ERBB4: variants seen among roughly 807,000 people sequenced by gnomAD.
ERBB4 encodes the protein receptor tyrosine-protein kinase erbB-4.
ERBB4 carries 42 observed loss-of-function variants against 158.0 expected under a neutral mutation model. That is an observed-to-expected ratio of 0.27 (90% CI 0.21 to 0.34). ERBB4 has a LOEUF of 0.34. Ranked by LOEUF, ERBB4 falls within the 10% of genes least tolerant of loss-of-function variation. The probability of loss-of-function intolerance (pLI) is 1.00; values close to 1 mark genes in which losing one functional copy is unlikely to be tolerated. For synonymous variants in ERBB4, 583 were observed against 558.7 expected, an observed-to-expected ratio of 1.04 and a Z score of -0.61; for missense variants, 1,333 against 1,624.1, an observed-to-expected ratio of 0.82 and a Z score of 3.08.
At chr2:212,228,132 C>A (rs1037743355) in intron 1 of ERBB4, among the ~76,000 whole-genome samples, 8 of 152,132 alleles carry the variant, frequency 5.3e-5, no homozygotes, top group African/African-American at 1.2e-4. Context: ...GATCTTTCTT[C>A]TGATTTCTAT....
At chr2:212,080,518 TG>T (rs2078407398) in intron 2 of ERBB4, among the ~76,000 whole-genome samples, 1 of 151,756 alleles carries the variant, frequency 6.6e-6, no homozygotes, top group Non-Finnish European at 1.5e-5. Context: ...GTGTTTCTAG[TG>T]AAGACCACAA....
At chr2:211,588,747 C>T (rs944470688) in intron 19 of ERBB4, among the ~76,000 whole-genome samples, 5 of 151,974 alleles carry the variant, frequency 3.3e-5, no homozygotes, top group African/African-American at 7.2e-5. Flanking sequence ...TTAATCACTC[C>T]GCACTTAACC....
At chr2:211,481,915 G>A (rs1422605307) in intron 20 of ERBB4, among the ~76,000 whole-genome samples, 1 of 152,110 alleles carries the variant, frequency 6.6e-6, no homozygotes, top group Admixed American at 6.6e-5. Flanking sequence ...TAGTACTCAA[G>A]ACATTGAATA....
chr2:211,809,717 C>T (rs961158099), intron 3 of ERBB4, among the ~76,000 whole-genome samples: 2 of 152,058 alleles, frequency 1.3e-5, no homozygotes, highest in Non-Finnish European at 2.9e-5. Context: ...TTAGTTATTT[C>T]TTGCCTTCTG....
chr2:212,214,544 A>G (rs1229760118), intron 1 of ERBB4, among the ~76,000 whole-genome samples: 1 of 151,804 alleles, frequency 6.6e-6, no homozygotes, highest in Admixed American at 6.6e-5. Flanking sequence ...TTAGGAAAAT[A>G]CATTTACAAA....
intron 20 of ERBB4, among the ~76,000 whole-genome samples, chr2:211,466,100 AG>A (rs2125514218): frequency 6.6e-6 from 1 of 152,276 alleles, no homozygotes; most frequent in South Asian, 2.1e-4. Context: ...AGCAGTCACC[AG>A]GGCACTTTGT....
At chr2:212,057,680 T>A (rs1026896277) in intron 2 of ERBB4, among the ~76,000 whole-genome samples, 2 of 152,134 alleles carry the variant, frequency 1.3e-5, no homozygotes, top group Non-Finnish European at 2.9e-5. Context: ...CTGAATGACT[T>A]CTGGGTACAT....
At chr2:211,876,376 AAGG>A (rs1471673401) in intron 3 of ERBB4, among the ~76,000 whole-genome samples, 5 of 152,296 alleles carry the variant, frequency 3.3e-5, no homozygotes, top group African/African-American at 9.6e-5. Context: ...AAGACAGAGG[AAGG>A]AGAAGAATTA....
intron 2 of ERBB4, among the ~76,000 whole-genome samples, chr2:211,974,552 C>T (rs928663316): frequency 3.9e-5 from 6 of 152,158 alleles, no homozygotes; most frequent in Admixed American, 1.3e-4. Context: ...GTCTTGGAGT[C>T]CACAGCATCT....
Position 211,737,488 on chromosome 2 carries a change from A to G in ERBB4, c.623-12294T>C, listed in dbSNP as rs1269272440. 2.0e-4 allele frequency among the ~76,000 whole-genome samples: 30 copies of G among 152,192 alleles called. 1 individual carries two copies. The highest frequency in any genetic ancestry group is 2.0e-3 in the Admixed American group (30 of 15,274). On this transcript the variant is annotated intron_variant, in intron 5 of 27. Coordinates refer to ENST00000342788, the MANE Select transcript of ERBB4 (RefSeq NM_005235.3). ...AGATAATACATGTGAAACTGTTAGT[A>G]CAAAACCGGCACAATGGATAACTAC...
At chr2:212,439,569 T>G (rs890374569) in intron 1 of ERBB4, among the ~76,000 whole-genome samples, 7 of 152,216 alleles carry the variant, frequency 4.6e-5, no homozygotes, top group Non-Finnish European at 7.3e-5. Context: ...TATTTTAATT[T>G]AACACTGTTC....
At chr2:211,668,328 A>G (rs2071706495) in intron 14 of ERBB4, among the ~76,000 whole-genome samples, 1 of 152,206 alleles carries the variant, frequency 6.6e-6, no homozygotes, top group African/African-American at 2.4e-5. Flanking sequence ...GGCAAATCTC[A>G]GAAAAAGAAA....
chr2:212,016,763 G>T (rs2076538280), intron 2 of ERBB4, among the ~76,000 whole-genome samples: 1 of 152,002 alleles, frequency 6.6e-6, no homozygotes, highest in Non-Finnish European at 1.5e-5. Context: ...ATGATAGTGA[G>T]ATACCTTACC....
intron 1 of ERBB4, among the ~76,000 whole-genome samples, chr2:212,250,940 G>A (rs1238349392): frequency 2.0e-5 from 3 of 151,930 alleles, no homozygotes; most frequent in East Asian, 3.9e-4. Flanking sequence ...ATAGTGGTGT[G>A]AATTTCTGAT....
chr2:211,869,720 TC>T (rs1358440590), intron 3 of ERBB4, among the ~76,000 whole-genome samples: 2 of 152,184 alleles, frequency 1.3e-5, no homozygotes, highest in African/African-American at 4.8e-5. Context: ...CCATCATGTG[TC>T]TAAGAAATAT....
chr2:211,680,712 A>G (rs74461533), intron 12 of ERBB4, among the ~76,000 whole-genome samples: 2,328 of 152,308 alleles, frequency 0.015, 34 homozygotes, highest in East Asian at 0.056. Flanking sequence ...TCCTGGGGTT[A>G]TTAAAAAGGC....
intron 1 of ERBB4, among the ~76,000 whole-genome samples, chr2:212,183,731 T>A (rs969264240): frequency 6.6e-6 from 1 of 151,996 alleles, no homozygotes; most frequent in Non-Finnish European, 1.5e-5. Context: ...AGAACATTTT[T>A]CAGGACAAAG....
At chr2:211,926,287 C>T (rs2080020199) in intron 3 of ERBB4, among the ~76,000 whole-genome samples, 2 of 152,220 alleles carry the variant, frequency 1.3e-5, no homozygotes, top group African/African-American at 4.8e-5. Context: ...TTGTCTCCAC[C>T]ACGCCTACTT....
intron 20 of ERBB4, among the ~76,000 whole-genome samples, chr2:211,468,740 C>A (rs1325169896): frequency 3.3e-5 from 5 of 151,928 alleles, no homozygotes; most frequent in Admixed American, 3.3e-4. Flanking sequence ...TACTTTACAC[C>A]TCCAACAAAT....
Sources: gnomAD v4.1 joint callset for allele counts (sites outside exome capture counted in the v4.1 genomes callset) on GRCh38, gnomAD v4.1.1 for gene constraint, MANE v1.5 for transcripts, NCBI Gene and HGNC (gene_info 2026-07-23, HGNC 2026-07-21) for gene names.